The following DIP2C variants were observed in gnomAD, a reference collection of about 807,000 sequenced individuals.
The protein encoded by DIP2C is DIP2 acetate--CoA ligase C (putative).
Under a neutral mutation model 192.4 loss-of-function variants are expected in DIP2C, and 33 were observed. That is an observed-to-expected ratio of 0.17 (90% CI 0.13 to 0.23). The LOEUF (loss-of-function observed/expected upper bound fraction) is 0.23. Among genes scored for constraint, DIP2C ranks in the 10% least tolerant of loss-of-function variants. DIP2C has a pLI of 1.00. For missense variants in DIP2C, 1,537 were observed against 2,110.1 expected, an observed-to-expected ratio of 0.73 and a Z score of 5.32; for synonymous variants, 979 against 864.1, an observed-to-expected ratio of 1.13 and a Z score of -2.33.
rs113261224 is a variant in DIP2C, at chr10:316,077, G to A, written c.3925-5985C>T. On this transcript the variant is annotated intron_variant, in intron 31 of 36. Coordinates refer to ENST00000280886, the MANE Select transcript of DIP2C (RefSeq NM_014974.3). ...CATAGATGTTGTACACCTTTTCAAC[G>A]AATTTCTGGCCTCACCTATCACAGC... is the stretch of plus-strand genomic sequence containing the variant. 1.0e-3 allele frequency among the ~76,000 whole-genome samples: 152 copies of A among 152,036 alleles called. 1 individual carries two copies. In the South Asian group the frequency reaches 0.015, roughly 15 times the overall value.
At chr10:359,444 C>T (rs1225798782) in intron 22 of DIP2C, among the ~76,000 whole-genome samples, 1 of 152,180 alleles carries the variant, frequency 6.6e-6, no homozygotes, top group East Asian at 1.9e-4. Context: ...TTCTAGGCGA[C>T]GTGTAGGAGC....
intron 4 of DIP2C, among the ~76,000 whole-genome samples, chr10:428,554 C>T (rs1053083937): frequency 6.6e-6 from 1 of 152,060 alleles, no homozygotes; most frequent in Non-Finnish European, 1.5e-5. Context: ...GTGTCTTTTT[C>T]TTCGGAGTCC....
At chr10:477,471 T>TGGATGGGGGGAGGCAG in intron 2 of DIP2C, among the ~76,000 whole-genome samples, 1 of 4,698 alleles carries the variant, frequency 2.1e-4, no homozygotes, top group African/African-American at 2.3e-3. Flanking sequence ...AGGTGGGAGG[T>TGGATGGGGGGAGGCAG]GGGGAGGAAG....
At position 417,994 on chromosome 10, in the gene DIP2C, A is replaced by G. The variant is rs754598014; in HGVS notation, c.739+1071T>C. 2.2e-3 allele frequency among the ~76,000 whole-genome samples: 177 copies of G among 79,982 alleles called. 40 individuals carry two copies. The highest frequency in any genetic ancestry group is 7.8e-3 in the African/African-American group (123 of 15,778). The allele number at this position is 79,982 out of a possible 152,430, so 52.5% of individuals were successfully genotyped here. On this transcript the variant is annotated intron_variant, in intron 6 of 36. Coordinates refer to ENST00000280886, the MANE Select transcript of DIP2C (RefSeq NM_014974.3). The stretch of plus-strand genomic sequence containing the variant: ...AGGGCTCGGATAGGCCTCCCTGTCC[A>G]CCTGCACCTGTCAGGGCGCGGACAG...
chr10:673,127 C>T (rs1427656079), intron 1 of DIP2C, among the ~76,000 whole-genome samples: 1 of 152,162 alleles, frequency 6.6e-6, no homozygotes, highest in Non-Finnish European at 1.5e-5. Context: ...AGCCACCCCA[C>T]CCCAGAGCAC....
At chr10:681,476 A>G (rs998753658) in intron 1 of DIP2C, among the ~76,000 whole-genome samples, 2 of 137,770 alleles carry the variant, frequency 1.5e-5, no homozygotes, top group Non-Finnish European at 3.1e-5. Context: ...GGGAACATAG[A>G]CCCCAGTCCC....
chr10:396,482 T>C (rs943532348), intron 10 of DIP2C, among the ~76,000 whole-genome samples: 2 of 152,222 alleles, frequency 1.3e-5, no homozygotes, highest in African/African-American at 4.8e-5. Flanking sequence ...ATAACAATGA[T>C]AAATGTTTTG....
chr10:374,235 T>C (rs970010465), intron 17 of DIP2C, among the ~76,000 whole-genome samples: 3 of 152,336 alleles, frequency 2.0e-5, no homozygotes, highest in Non-Finnish European at 4.4e-5. Flanking sequence ...TGGAAATGTA[T>C]CTGTAATATA....
chr10:420,026 G>C (rs76203347), intron 5 of DIP2C, among the ~76,000 whole-genome samples: 9 of 152,236 alleles, frequency 5.9e-5, no homozygotes, highest in Non-Finnish European at 1.3e-4. Flanking sequence ...CGGGCGCCAC[G>C]ATGCGGATCG....
intron 29 of DIP2C, among the ~76,000 whole-genome samples, chr10:332,125 CT>C (rs557412295): frequency 1.3e-5 from 2 of 152,000 alleles, no homozygotes; most frequent in African/African-American, 4.8e-5. Context: ...TAACTTAAAA[CT>C]TTTTTTGTGG....
intron 5 of DIP2C, among the ~76,000 whole-genome samples, chr10:421,952 G>C (rs1464021683): frequency 1.3e-5 from 2 of 152,204 alleles, no homozygotes; most frequent in Admixed American, 1.3e-4. Flanking sequence ...GCGTAAAGGA[G>C]TCAGTGATCT....
intron 1 of DIP2C, among the ~76,000 whole-genome samples, chr10:541,070 TGCTGGGGAGCCACAACACCC>T: frequency 1.6e-5 from 2 of 127,996 alleles, no homozygotes; most frequent in Admixed American, 7.4e-5. Context: ...CAACACCCGA[TGCTGGGGAGCCACAACACCC>T]GATGCTGGGG....
At chr10:513,079 A>G (rs1245074018) in intron 1 of DIP2C, among the ~76,000 whole-genome samples, 1 of 152,220 alleles carries the variant, frequency 6.6e-6, no homozygotes, top group Non-Finnish European at 1.5e-5. Context: ...ACTACTCACC[A>G]AGTTTCATGC....
intron 1 of DIP2C, among the ~76,000 whole-genome samples, chr10:658,400 T>G (rs1033994759): frequency 4.6e-5 from 7 of 152,260 alleles, no homozygotes; most frequent in African/African-American, 1.7e-4. Context: ...ACCCTGGACC[T>G]GCCGCTGGGT....
At chr10:440,550 C>G (rs1323031958) in intron 4 of DIP2C, among the ~76,000 whole-genome samples, 1 of 152,150 alleles carries the variant, frequency 6.6e-6, no homozygotes, top group Non-Finnish European at 1.5e-5. Flanking sequence ...GAAGAAAAGT[C>G]CAATTCCACC....
chr10:337,509 C>CTGTG (rs371093322), intron 29 of DIP2C, among the ~76,000 whole-genome samples: 15 of 121,056 alleles, frequency 1.2e-4, no homozygotes, highest in South Asian at 5.8e-4. Flanking sequence ...CCTAGACAGT[C>CTGTG]TGTGTGTGTG....
At chr10:539,232 ATATT>A (rs1205463753) in intron 1 of DIP2C, among the ~76,000 whole-genome samples, 2 of 152,172 alleles carry the variant, frequency 1.3e-5, no homozygotes, top group Non-Finnish European at 2.9e-5. Flanking sequence ...CGATTCTTAA[ATATT>A]TATTTTGCTT....
In DIP2C at chr10:481,884, C is replaced by G. The variant is rs552538005; in HGVS notation, c.157+4575G>C. On this transcript the variant is annotated intron_variant, in intron 2 of 36. Coordinates refer to ENST00000280886, the MANE Select transcript of DIP2C (RefSeq NM_014974.3). ...GCCCCTCCGTGCCGCACCCACACAT[C>G]CATACAGCAAATACCTGCCCAATGT... 9.2e-5 allele frequency among the ~76,000 whole-genome samples: 14 copies of G among 152,374 alleles called. No individual in the cohort carries two copies. In the South Asian group the frequency reaches 2.9e-3, roughly 32 times the overall value.
intron 1 of DIP2C, among the ~76,000 whole-genome samples, chr10:582,595 T>C (rs1055006367): frequency 5.9e-5 from 9 of 151,892 alleles, no homozygotes; most frequent in Non-Finnish European, 1.2e-4. Context: ...AAAATATAAA[T>C]AAACTAAAAA....
Sources: allele counts gnomAD v4.1 joint callset (sites outside exome capture counted in the v4.1 genomes callset), GRCh38; gene constraint gnomAD v4.1.1; transcripts MANE v1.5; gene names NCBI Gene and HGNC (gene_info 2026-07-23, HGNC 2026-07-21).